Variants in MIS18A observed in about 807,000 individuals in gnomAD.
MIS18A encodes the protein MIS18 kinetochore protein A.
MIS18A carries 14 observed loss-of-function variants against 25.0 expected under a neutral mutation model. The ratio of observed to expected loss-of-function variants is 0.56; its 90% confidence interval spans 0.37 to 0.88. MIS18A has a LOEUF of 0.88. Ranked by LOEUF, MIS18A falls within the 40% of genes least tolerant of loss-of-function variation. MIS18A has a pLI of 0.00. For synonymous variants in MIS18A, 134 were observed against 118.6 expected (o/e 1.13, Z -0.84); for missense variants, 292 against 290.8 (o/e 1.00, Z -0.03).
the MIS18A span, among the ~76,000 whole-genome samples, chr21:32,173,615 T>C: frequency 3.9e-5 from 6 of 152,084 alleles, no homozygotes; most frequent in African/African-American, 1.4e-4. Context: ...GGCAGTAAAA[T>C]GAAGTACTGA....
At chr21:32,164,222 C>T in the MIS18A span, among the ~76,000 whole-genome samples, 1 of 152,024 alleles carries the variant, frequency 6.6e-6, no homozygotes, top group Non-Finnish European at 1.5e-5. Flanking sequence ...CAGTGGTCAA[C>T]AAGATAAGGA....
chr21:32,196,474 T>G, the MIS18A span, among the ~76,000 whole-genome samples: 1 of 151,410 alleles, frequency 6.6e-6, no homozygotes, highest in Non-Finnish European at 1.5e-5. Context: ...TTTTTTTTTT[T>G]TTTTGAGGCA....
chr21:32,229,701 C>T, the MIS18A span, among the ~76,000 whole-genome samples: 2 of 152,180 alleles, frequency 1.3e-5, no homozygotes, highest in African/African-American at 2.4e-5. Flanking sequence ...TTACATAATA[C>T]ATATTGGTCA....
downstream of MIS18A, among the ~76,000 whole-genome samples, chr21:32,266,001 T>G (rs1346972698): frequency 6.6e-6 from 1 of 152,164 alleles, no homozygotes; most frequent in African/African-American, 2.4e-5. Context: ...GCTCAAGGTT[T>G]GTGAGTGCAC....
the MIS18A span, among the ~76,000 whole-genome samples, chr21:32,239,584 C>A: frequency 6.6e-6 from 1 of 152,210 alleles, no homozygotes; most frequent in African/African-American, 2.4e-5. Context: ...AGGTTCCCCA[C>A]GAAGGTGCCA....
downstream of MIS18A, among the ~76,000 whole-genome samples, chr21:32,265,520 C>T (rs1482359203): frequency 6.6e-6 from 1 of 152,242 alleles, no homozygotes; most frequent in Non-Finnish European, 1.5e-5. Context: ...CAGTGCCGGC[C>T]CACCGGCGCT....
the MIS18A span, among the ~76,000 whole-genome samples, chr21:32,176,787 A>G: frequency 1.4e-5 from 2 of 138,694 alleles, no homozygotes; most frequent in Non-Finnish European, 1.5e-5. Context: ...GCAAAACTTG[A>G]TTCTTCAAAA....
chr21:32,204,433 G>A, the MIS18A span, among the ~76,000 whole-genome samples: 1 of 151,932 alleles, frequency 6.6e-6, no homozygotes, highest in African/African-American at 2.4e-5. Flanking sequence ...GGCAGCAGAG[G>A]TTGCAGTGAG....
chr21:32,177,306 A>G, the MIS18A span, among the ~76,000 whole-genome samples: 1 of 152,190 alleles, frequency 6.6e-6, no homozygotes, highest in African/African-American at 2.4e-5. Flanking sequence ...AACTTTCTCA[A>G]TCTAATAATA....
the MIS18A span, among the ~76,000 whole-genome samples, chr21:32,166,717 T>A: frequency 1.3e-5 from 2 of 152,302 alleles, no homozygotes; most frequent in South Asian, 4.1e-4. Flanking sequence ...AGAAAAGATA[T>A]AGCTTTCTTA....
At chr21:32,231,082 C>G in the MIS18A span, among the ~76,000 whole-genome samples, 1 of 151,622 alleles carries the variant, frequency 6.6e-6, no homozygotes, top group Non-Finnish European at 1.5e-5. Flanking sequence ...ACAAAAAATA[C>G]AAAAATTAGC....
At position 32,274,912 on chromosome 21, in the gene MIS18A, G is replaced by GTT. The variant is rs1479746717; in HGVS notation, c.335-17_335-16insAA. ...CAGGAAACACCTAGAAACAGAGAAA[G>GTT]TAACAATAATTTATTAATGTAGTTC... On this transcript the variant is annotated splice_polypyrimidine_tract_variant and intron_variant, in intron 1 of 4. Transcript: ENST00000290130. 1.9e-6 allele frequency: 3 copies of GTT among 1,597,458 alleles called. No homozygotes were observed. Among genetic ancestry groups the GTT allele is most frequent in the Non-Finnish European group, 2.6e-6 (3 of 1,166,954 alleles).
At chr21:32,176,573 A>G in the MIS18A span, among the ~76,000 whole-genome samples, 1 of 152,226 alleles carries the variant, frequency 6.6e-6, no homozygotes, top group African/African-American at 2.4e-5. Context: ...CTAATGCTGT[A>G]AAGAGGGGGA....
the MIS18A span, among the ~76,000 whole-genome samples, chr21:32,200,594 CG>C: frequency 6.6e-6 from 1 of 151,990 alleles, no homozygotes; most frequent in East Asian, 1.9e-4. Flanking sequence ...CCACCATGCT[CG>C]GCTAATTTTT....
the MIS18A span, among the ~76,000 whole-genome samples, chr21:32,211,691 T>C: frequency 6.6e-6 from 1 of 152,230 alleles, no homozygotes; most frequent in Non-Finnish European, 1.5e-5. Context: ...AAACTTCTCA[T>C]TGGTAGTTTC....
the MIS18A span, among the ~76,000 whole-genome samples, chr21:32,156,914 A>G: frequency 7.0e-4 from 107 of 152,262 alleles, no homozygotes; most frequent in African/African-American, 2.5e-3. Flanking sequence ...TGGCTTGCAT[A>G]TGAGAGATAT....
At chr21:32,244,527 G>A in the MIS18A span, among the ~76,000 whole-genome samples, 2 of 152,090 alleles carry the variant, frequency 1.3e-5, no homozygotes, top group Non-Finnish European at 2.9e-5. Context: ...ACTTGAGTCC[G>A]GGAAGTTGAG....
the MIS18A span, among the ~76,000 whole-genome samples, chr21:32,198,809 CT>C: frequency 2.0e-5 from 3 of 151,870 alleles, no homozygotes; most frequent in Non-Finnish European, 2.9e-5. Flanking sequence ...GAAAAGGTGG[CT>C]TTAGTCCATA....
At chr21:32,192,933 C>G in the MIS18A span, among the ~76,000 whole-genome samples, 2 of 152,076 alleles carry the variant, frequency 1.3e-5, no homozygotes, top group Admixed American at 6.6e-5. Flanking sequence ...TGACCGTTAT[C>G]CCCATCTCTT....
Sources: gnomAD v4.1 joint callset for allele counts (sites outside exome capture counted in the v4.1 genomes callset) on GRCh38, gnomAD v4.1.1 for gene constraint, MANE v1.5 for transcripts, NCBI Gene and HGNC (gene_info 2026-07-23, HGNC 2026-07-21) for gene names.